Variants in UHMK1 observed in about 807,000 individuals in gnomAD.
The protein encoded by UHMK1 is serine/threonine-protein kinase Kist.
Under a neutral mutation model 44.0 loss-of-function variants are expected in UHMK1, and 18 were observed. The observed-to-expected ratio is 0.41, with a 90% CI of 0.28 to 0.61. The LOEUF (loss-of-function observed/expected upper bound fraction) is 0.61. Ranked by LOEUF, UHMK1 falls within the 20% of genes least tolerant of loss-of-function variation. The pLI, the probability that UHMK1 is intolerant of heterozygous loss-of-function variation, is 0.31. For synonymous variants in UHMK1, 231 were observed against 198.5 expected, an observed-to-expected ratio of 1.16 and a Z score of -1.38; for missense variants, 463 against 522.5, an observed-to-expected ratio of 0.89 and a Z score of 1.11.
At chr1:162,506,268 CTA>C (rs1188328369) in intron 4 of UHMK1, among the ~76,000 whole-genome samples, 1 of 128,540 alleles carries the variant, frequency 7.8e-6, no homozygotes, top group Admixed American at 8.9e-5. Context: ...AATTTGGAAA[CTA>C]TAGAAAGTCA....
At chr1:162,497,677 G>A, upstream of UHMK1, 1 of 776,762 alleles carries the variant, frequency 1.3e-6, no homozygotes, top group Middle Eastern at 4.3e-4. Flanking sequence ...TGGAATGGTA[G>A]ATACTCAATA....
chr1:162,503,996 A>G (rs1651376660), intron 4 of UHMK1, 148 bp downstream of exon 4: 1 of 649,512 alleles, frequency 1.5e-6, no homozygotes, highest in South Asian at 2.5e-5. Context: ...TTTCAAAGGA[A>G]TGCTCTTTTG....
chr1:162,510,598 T>C, intron 4 of UHMK1, among the ~76,000 whole-genome samples: 1 of 152,222 alleles, frequency 6.6e-6, no homozygotes, highest in East Asian at 1.9e-4. Flanking sequence ...TGTGTATATA[T>C]ATATCATATT....
intron 4 of UHMK1, among the ~76,000 whole-genome samples, chr1:162,508,286 G>A (rs1245870098): frequency 6.6e-6 from 1 of 151,586 alleles, no homozygotes; most frequent in Non-Finnish European, 1.5e-5. Context: ...TAATTTTCAT[G>A]TTTTTAGTAG....
chr1:162,513,528 G>T (rs574638047), intron 6 of UHMK1, among the ~76,000 whole-genome samples: 3 of 152,196 alleles, frequency 2.0e-5, no homozygotes, highest in Non-Finnish European at 4.4e-5. Flanking sequence ...ATAATCTGAA[G>T]ATAGGGTACT....
At position 162,499,565 on chromosome 1, in the gene UHMK1, T is replaced by G. The variant is rs74231105; in HGVS notation, c.269-390T>G. ...TTACTTAATATTTGGGTTTTTACTT[T>G]TAAAAATTTCTTTTTTTTTAAAGGA... On this transcript the variant is annotated intron_variant, in intron 1 of 7. Coordinates refer to ENST00000489294, the MANE Select transcript of UHMK1 (RefSeq NM_175866.5). 1.4e-3 allele frequency among the ~76,000 whole-genome samples: 212 copies of G among 152,354 alleles called. 5 individuals carry two copies. In the East Asian group the frequency reaches 0.034, roughly 25 times the overall value.
intron 4 of UHMK1, among the ~76,000 whole-genome samples, chr1:162,508,353 C>A (rs557628443): frequency 6.6e-6 from 1 of 151,744 alleles, no homozygotes; most frequent in African/African-American, 2.4e-5. Context: ...CTCAAGTGAT[C>A]TGCTTGCCTC....
In UHMK1 at chr1:162,522,655, A is replaced by T. The variant is rs529399358; in HGVS notation, c.*105A>T. The T allele has an allele frequency of 4.7e-6, 6 of 1,269,998 alleles. No individual in the cohort carries two copies. Among genetic ancestry groups the T allele is most frequent in the Non-Finnish European group, 4.3e-6 (4 of 922,852 alleles). 78.7% of individuals were successfully genotyped at this position (1,269,998 alleles called of 1,614,324 possible). A position where few individuals can be genotyped will look rare whatever the true frequency, so the allele number is the denominator to read the frequency against. ...TTACCATTTTAAGAAGGTACTTTAT[A>T]CATTTATTTAATCCTACTAATGTGC... On this transcript the variant is annotated 3_prime_UTR_variant, in exon 8 of 8. Transcript: ENST00000489294.
chr1:162,511,121 T>G (rs1415626519), intron 4 of UHMK1, among the ~76,000 whole-genome samples: 2 of 152,040 alleles, frequency 1.3e-5, no homozygotes, highest in African/African-American at 4.8e-5. Flanking sequence ...CTTTTGCCCA[T>G]TTTTTAATTG....
At position 162,499,991 on chromosome 1, in the gene UHMK1, C is replaced by G. The variant is rs1157424991; in HGVS notation, c.305C>G (p.Pro102Arg). 1.2e-5 allele frequency: 19 copies of G among 1,614,054 alleles called. No individual in the cohort carries two copies. Among genetic ancestry groups the G allele is most frequent in the Non-Finnish European group, 1.6e-5 (19 of 1,180,024 alleles). ...LYGVFTIHFS[P>R]NVPSRCLLLE... ...GGAGTGTTTACAATCCACTTTTCTCCAAATGTGCCATCACGCTGTCTGTTG... is the reference window on the plus strand; with the variant it reads ...GGAGTGTTTACAATCCACTTTTCTCGAAATGTGCCATCACGCTGTCTGTTG... Residue 102 changes from proline to arginine, a missense_variant, in exon 2 of 8, where the codon CCA (proline) becomes CGA (arginine). This residue lies in a region of UHMK1 where 191 missense variants were observed against 176.0 expected (regional missense o/e 1.09). Transcript: ENST00000489294.
chr1:162,499,453 C>G (rs1651188682), intron 1 of UHMK1, among the ~76,000 whole-genome samples: 1 of 152,166 alleles, frequency 6.6e-6, no homozygotes, highest in African/African-American at 2.4e-5. Flanking sequence ...GGGCATGAGC[C>G]ACCGTGGCAG....
At chr1:162,511,825 G>A (rs1346390235) in intron 4 of UHMK1, among the ~76,000 whole-genome samples, 1 of 152,060 alleles carries the variant, frequency 6.6e-6, no homozygotes, top group Admixed American at 6.6e-5. Context: ...GTTTTTCCCA[G>A]CACCGTTTAT....
chr1:162,503,765 T>G lies in UHMK1; in HGVS notation c.765T>G (p.Ser255=). The G allele has an allele frequency of 6.2e-7, 1 of 1,614,032 alleles. No homozygotes were observed. Among genetic ancestry groups the G allele is most frequent in the Non-Finnish European group, 8.5e-7 (1 of 1,179,930 alleles). The change falls in exon 4 of 8, where the codon TCT becomes TCG. Residue 255 remains serine, a synonymous_variant. Transcript: ENST00000489294. ...CTCCGTTTTTTAAGGCAAACAGTTC[T>G]GCTATTATTGATCACATATTTGCCA... ...VRSQEWKANS[S]AIIDHIFASK...
rs1343173355 is a variant in UHMK1 at position 162,525,428 on chromosome 1, G to T, written c.*2878G>T. The T allele has an allele frequency of 6.6e-6, 1 of 152,106 alleles. No individual in the cohort carries two copies. The highest frequency in any genetic ancestry group is 6.5e-5 in the Admixed American group (1 of 15,270). 9.4% of individuals were successfully genotyped at this position (152,106 alleles called of 1,614,324 possible). A position where few individuals can be genotyped will look rare whatever the true frequency, so the allele number is the denominator to read the frequency against. ...TGCTTCCTTGCCTCTCACCTTCCCA[G>T]TTACTTCTTTGGGGTATTACTGTGG... On this transcript the variant is annotated 3_prime_UTR_variant, in exon 8 of 8. Transcript: ENST00000489294.
At chr1:162,520,126 C>A (rs987144229) in intron 7 of UHMK1, among the ~76,000 whole-genome samples, 2 of 152,138 alleles carry the variant, frequency 1.3e-5, no homozygotes, top group Non-Finnish European at 2.9e-5. Context: ...CACCTGAATT[C>A]AAGAGATCCA....
At position 162,522,613 on chromosome 1, in the gene UHMK1, A is replaced by T; in HGVS notation, c.*63A>T. On this transcript the variant is annotated 3_prime_UTR_variant, in exon 8 of 8. Transcript: ENST00000489294. ...CATTTCTTGGGTTATTCCACATATG[A>T]ATGCAGGACTACCCCCTTACCATTT... 1 of 1,520,972 alleles carries T rather than the reference A, an allele frequency of 6.6e-7. No individual in the cohort carries two copies. 94.2% of individuals were successfully genotyped at this position (1,520,972 alleles called of 1,614,324 possible).
chr1:162,513,718 C>T lies in UHMK1; in HGVS notation c.1024+895C>T, dbSNP rs74116748. Reference sequence around the variant, plus strand: ...GTCAGAAAACAGCAAATTGGTATGACTGTATCTTAAGATATTTGTTGGGGA... The same window carrying T: ...GTCAGAAAACAGCAAATTGGTATGATTGTATCTTAAGATATTTGTTGGGGA... On this transcript the variant is annotated intron_variant, in intron 6 of 7. Transcript: ENST00000489294. Among the ~76,000 whole-genome samples, 186 of 152,280 alleles carry T rather than the reference C, an allele frequency of 1.2e-3. 2 individuals are homozygous for T. The highest frequency in any genetic ancestry group is 4.4e-3 in the African/African-American group (182 of 41,556).
Position 162,524,075 on chromosome 1 carries a change from A to G in UHMK1, c.*1525A>G, listed in dbSNP as rs548861691. 3.9e-5 allele frequency: 6 copies of G among 152,160 alleles called. No homozygotes were observed. Among genetic ancestry groups the G allele is most frequent in the South Asian group, 2.1e-4 (1 of 4,824 alleles). 9.4% of individuals were successfully genotyped at this position (152,160 alleles called of 1,614,324 possible). A position where few individuals can be genotyped will look rare whatever the true frequency, so the allele number is the denominator to read the frequency against. On this transcript the variant is annotated 3_prime_UTR_variant, in exon 8 of 8. Transcript: ENST00000489294. ...ATACCAAAAAAAAAAGACAAGTTAT[A>G]TACAGGTTATTAATTTTTTTATTTA...
intron 7 of UHMK1, among the ~76,000 whole-genome samples, chr1:162,519,546 C>T (rs1651980720): frequency 6.6e-6 from 1 of 152,090 alleles, no homozygotes; most frequent in South Asian, 2.1e-4. Context: ...TTGTGATGAT[C>T]CTCATTTTCT....
Sources: gnomAD v4.1 joint callset for allele counts (sites outside exome capture counted in the v4.1 genomes callset) on GRCh38, gnomAD v4.1.1 for gene constraint, gnomAD v4.1.1 regional missense constraint, MANE v1.5 for transcripts, NCBI Gene and HGNC (gene_info 2026-07-23, HGNC 2026-07-21) for gene names.